TC2N: variants seen among roughly 807,000 people sequenced by gnomAD.
TC2N encodes the protein tandem C2 domains, nuclear.
A neutral mutation model predicts 61.9 loss-of-function variants in TC2N; 51 were observed. The ratio of observed to expected loss-of-function variants is 0.82; its 90% CI spans 0.66 to 1.04. The LOEUF is 1.04. TC2N is among the 50% of genes least tolerant of loss of function. The pLI is 0.00. For missense variants in TC2N, 556 were observed against 566.7 expected (o/e 0.98, Z 0.19); for synonymous variants, 204 against 192.6 (o/e 1.06, Z -0.49).
At chr14:91,853,675 C>A (rs72705327) in intron 1 of TC2N, among the ~76,000 whole-genome samples, 2,834 of 45,126 alleles carry the variant, frequency 0.063, 103 homozygotes, top group African/African-American at 0.21. Flanking sequence ...CACACACACA[C>A]ACACACACAC....
chr14:91,843,617 C>G (rs78735381), intron 1 of TC2N, among the ~76,000 whole-genome samples: 3,983 of 152,316 alleles, frequency 0.026, 187 homozygotes, highest in African/African-American at 0.091. Flanking sequence ...TTTGTAACTT[C>G]TGCTTTCATC....
intron 1 of TC2N, among the ~76,000 whole-genome samples, chr14:91,843,825 G>C (rs1191796605): frequency 6.6e-6 from 1 of 152,110 alleles, no homozygotes; most frequent in Non-Finnish European, 1.5e-5. Flanking sequence ...TAGTTTACAC[G>C]TTAGTCTCTC....
intron 1 of TC2N, among the ~76,000 whole-genome samples, chr14:91,834,306 C>G (rs1477583322): frequency 1.3e-5 from 2 of 152,136 alleles, no homozygotes; most frequent in African/African-American, 4.8e-5. Flanking sequence ...TACTTTACCA[C>G]GAATAGTTCT....
intron 1 of TC2N, among the ~76,000 whole-genome samples, chr14:91,820,928 G>A (rs1235183451): frequency 6.6e-6 from 1 of 151,866 alleles, no homozygotes; most frequent in Non-Finnish European, 1.5e-5. Flanking sequence ...CAAACCACAA[G>A]ACATTACTGA....
At chr14:91,842,081 C>T (rs546336806) in intron 1 of TC2N, among the ~76,000 whole-genome samples, 1 of 151,354 alleles carries the variant, frequency 6.6e-6, no homozygotes, top group South Asian at 2.1e-4. Flanking sequence ...ATCCCAGCCT[C>T]CTGAGTAGCT....
intron 4 of TC2N, among the ~76,000 whole-genome samples, chr14:91,800,941 G>T (rs1376687443): frequency 2.0e-5 from 2 of 101,474 alleles, no homozygotes; most frequent in Non-Finnish European, 4.7e-5. Flanking sequence ...GGTTGAGAGA[G>T]ATATATATAT....
rs989496773 is a variant in TC2N, at chr14:91,779,766, T to A, written c.*3334A>T. 1.3e-5 allele frequency: 2 copies of A among 152,106 alleles called. No homozygotes were observed. Among genetic ancestry groups the A allele is most frequent in the African/African-American group, 2.4e-5 (1 of 41,422 alleles). The allele number at this position is 152,106 out of a possible 1,614,324, so 9.4% of individuals were successfully genotyped here. A position where few individuals can be genotyped will look rare whatever the true frequency, so the allele number is the denominator to read the frequency against. The stretch of plus-strand genomic sequence containing the variant: ...AGTCCTACAGTTTAATATAATTATT[T>A]ATTGTAATCATGGTTTATAGAAATC... On this transcript the variant is annotated 3_prime_UTR_variant, in exon 12 of 12. Transcript: ENST00000435962.
At chr14:91,803,378 T>TACAC (rs1366687041) in intron 3 of TC2N, among the ~76,000 whole-genome samples, 15 of 125,194 alleles carry the variant, frequency 1.2e-4, no homozygotes, top group African/African-American at 5.0e-4. Context: ...TACATACATA[T>TACAC]ATACACACAC....
chr14:91,803,676 T>C (rs1886371569), intron 3 of TC2N, among the ~76,000 whole-genome samples: 1 of 152,012 alleles, frequency 6.6e-6, no homozygotes, highest in South Asian at 2.1e-4. Flanking sequence ...AGGCTGGTCT[T>C]GAACTCCTGG....
intron 4 of TC2N, among the ~76,000 whole-genome samples, chr14:91,801,080 G>GTA (rs59418798): frequency 0.023 from 2,587 of 111,448 alleles, 52 homozygotes; most frequent in African/African-American, 0.049. Flanking sequence ...ATGTGTGTGT[G>GTA]TATATATATA....
At chr14:91,861,626 G>A (rs966181533) in intron 1 of TC2N, among the ~76,000 whole-genome samples, 2 of 152,202 alleles carry the variant, frequency 1.3e-5, no homozygotes, top group African/African-American at 4.8e-5. Flanking sequence ...CAGCTCTTAT[G>A]CAGAAGTAAA....
intron 1 of TC2N, among the ~76,000 whole-genome samples, chr14:91,856,673 CCT>C (rs1888490748): frequency 6.6e-6 from 1 of 152,132 alleles, no homozygotes; most frequent in South Asian, 2.1e-4. Context: ...ATATGGGAGC[CCT>C]CTCTGCACCA....
intron 1 of TC2N, among the ~76,000 whole-genome samples, chr14:91,847,613 C>T (rs148575068): frequency 5.9e-5 from 9 of 152,340 alleles, no homozygotes; most frequent in Non-Finnish European, 1.2e-4. Flanking sequence ...CATTGACTTT[C>T]CAGTTTGTGA....
At chr14:91,854,405 G>GGAA (rs1165081964) in intron 1 of TC2N, among the ~76,000 whole-genome samples, 2 of 142,374 alleles carry the variant, frequency 1.4e-5, no homozygotes, top group Non-Finnish European at 3.1e-5. Context: ...ATGAGGAGGA[G>GGAA]GAGGAGGAGG....
At chr14:91,834,521 CTT>C (rs930262503) in intron 1 of TC2N, among the ~76,000 whole-genome samples, 11 of 151,820 alleles carry the variant, frequency 7.2e-5, no homozygotes, top group Non-Finnish European at 1.3e-4. Flanking sequence ...TCCTTCTAAC[CTT>C]TGTTTCTCAA....
intron 1 of TC2N, among the ~76,000 whole-genome samples, chr14:91,829,972 T>C (rs963503089): frequency 5.3e-5 from 8 of 152,090 alleles, no homozygotes; most frequent in African/African-American, 1.9e-4. Context: ...CCACTGATCA[T>C]TAGGAAAATG....
At position 91,785,193 on chromosome 14, in the gene TC2N, C is replaced by G. The variant is rs781151311; in HGVS notation, c.1331G>C (p.Ser444Thr). The G allele has an allele frequency of 1.2e-6, 2 of 1,613,498 alleles. No homozygotes were observed. The highest frequency in any genetic ancestry group is 1.7e-6 in the Non-Finnish European group (2 of 1,179,642). ...CACAAAGTGTTTTCTTCTTACAGAGCTTCGACTGTAAAGCTTAATGAGAAA... is the reference window on the plus strand; with the variant it reads ...CACAAAGTGTTTTCTTCTTACAGAGGTTCGACTGTAAAGCTTAATGAGAAA... ...IVFLIKLYSRSSVRRKHFVGQ... is the reference protein window; with the variant it reads ...IVFLIKLYSRTSVRRKHFVGQ... Residue 444 changes from serine (S) to threonine (T), a missense_variant, in exon 11 of 12, where the codon AGC (serine) becomes ACC (threonine). Physicochemically the swap from Ser to Thr is moderately conservative, Grantham distance 58 (BLOSUM62 1). Coordinates refer to ENST00000435962, the MANE Select transcript of TC2N (RefSeq NM_001128596.3).
intron 9 of TC2N, among the ~76,000 whole-genome samples, chr14:91,790,292 G>A (rs1885583405): frequency 6.6e-6 from 1 of 152,178 alleles, no homozygotes; most frequent in South Asian, 2.1e-4. Context: ...GTAAAAACCC[G>A]AAAGTTGTGC....
At chr14:91,827,466 A>C (rs1453610671) in intron 1 of TC2N, among the ~76,000 whole-genome samples, 1 of 152,154 alleles carries the variant, frequency 6.6e-6, no homozygotes, top group East Asian at 1.9e-4. Context: ...CAAAGCCAAC[A>C]AGACAGCATC....
Sources: gnomAD v4.1 joint callset for allele counts (sites outside exome capture counted in the v4.1 genomes callset) on GRCh38, gnomAD v4.1.1 for gene constraint, MANE v1.5 for transcripts, NCBI Gene and HGNC (gene_info 2026-07-23, HGNC 2026-07-21) for gene names.